PTPRT: variants seen among roughly 807,000 people sequenced by gnomAD.
PTPRT encodes receptor-type tyrosine-protein phosphatase T.
Under a neutral mutation model 176.8 loss-of-function variants are expected in PTPRT, and 56 were observed. The observed-to-expected ratio is 0.32, with a 90% CI of 0.26 to 0.40. The LOEUF (loss-of-function observed/expected upper bound fraction) is 0.40. Among genes scored for constraint, PTPRT ranks in the 10% least tolerant of loss-of-function variants. The pLI is 1.00. For synonymous variants in PTPRT, 783 were observed against 739.0 expected, an observed-to-expected ratio of 1.06 and a Z score of -0.96; for missense variants, 1,540 against 1,908.2, an observed-to-expected ratio of 0.81 and a Z score of 3.60.
intron 1 of PTPRT, among the ~76,000 whole-genome samples, chr20:43,065,680 T>C (rs572004686): frequency 6.6e-6 from 1 of 152,186 alleles, no homozygotes; most frequent in African/African-American, 2.4e-5. Flanking sequence ...TCAGGTAAGG[T>C]GGGACCTCAC....
the PTPRT span, among the ~76,000 whole-genome samples, chr20:42,050,010 A>G: frequency 1.3e-5 from 2 of 152,328 alleles, no homozygotes; most frequent in South Asian, 2.1e-4. Flanking sequence ...CCATCAGCAT[A>G]CCTAGCAGAC....
At chr20:42,589,274 T>C (rs754192182) in intron 7 of PTPRT, among the ~76,000 whole-genome samples, 15 of 152,200 alleles carry the variant, frequency 9.9e-5, no homozygotes, top group South Asian at 2.1e-4. Flanking sequence ...CTCAGACATA[T>C]GCCAAGTTAT....
At chr20:42,164,103 G>C (rs1989724557) in intron 16 of PTPRT, among the ~76,000 whole-genome samples, 1 of 152,192 alleles carries the variant, frequency 6.6e-6, no homozygotes. Flanking sequence ...ATGAAAGGAT[G>C]AGCTGAGTCA....
At chr20:42,654,844 C>T (rs1381547791) in intron 7 of PTPRT, among the ~76,000 whole-genome samples, 1 of 152,206 alleles carries the variant, frequency 6.6e-6, no homozygotes, top group Admixed American at 6.5e-5. Context: ...TTGGAATATC[C>T]TGTGGCTTCC....
At chr20:42,462,718 CTTGTT>C (rs1052066846) in intron 8 of PTPRT, among the ~76,000 whole-genome samples, 41 of 152,078 alleles carry the variant, frequency 2.7e-4, no homozygotes, top group African/African-American at 9.7e-4. Flanking sequence ...GGATAGAGCT[CTTGTT>C]TTGTTTTTTC....
At chr20:42,371,800 T>C (rs1178513295) in intron 9 of PTPRT, among the ~76,000 whole-genome samples, 2 of 152,200 alleles carry the variant, frequency 1.3e-5, no homozygotes, top group Non-Finnish European at 2.9e-5. Context: ...AGTCCTTTCA[T>C]CAAGGGGGCA....
chr20:42,058,653 C>A, the PTPRT span, among the ~76,000 whole-genome samples: 6 of 152,154 alleles, frequency 3.9e-5, no homozygotes, highest in Non-Finnish European at 7.3e-5. Flanking sequence ...AATGAAAAGA[C>A]TTAGTTCCCT....
intron 1 of PTPRT, among the ~76,000 whole-genome samples, chr20:43,075,944 C>A (rs553766992): frequency 4.6e-5 from 7 of 152,202 alleles, no homozygotes; most frequent in African/African-American, 1.7e-4. Context: ...TTTTTGCTTG[C>A]CAAAACTCCA....
intron 7 of PTPRT, among the ~76,000 whole-genome samples, chr20:42,664,039 G>A (rs2075271277): frequency 6.6e-6 from 1 of 152,154 alleles, no homozygotes; most frequent in Non-Finnish European, 1.5e-5. Context: ...AGAAATGCCT[G>A]TAAGAACCTG....
chr20:42,974,324 C>T (rs1018366905), intron 1 of PTPRT, among the ~76,000 whole-genome samples: 3 of 152,158 alleles, frequency 2.0e-5, no homozygotes, highest in Non-Finnish European at 4.4e-5. Flanking sequence ...GCCACATCAC[C>T]CCCAAATTTT....
chr20:42,139,416 T>A (rs370524321), intron 18 of PTPRT, among the ~76,000 whole-genome samples: 1 of 152,078 alleles, frequency 6.6e-6, no homozygotes, highest in Non-Finnish European at 1.5e-5. Flanking sequence ...GGAATACCAG[T>A]AGGAAAGGGG....
intron 21 of PTPRT, chr20:42,116,122 A>G (rs1476317232): frequency 5.6e-6 from 4 of 717,138 alleles, no homozygotes; most frequent in African/African-American, 3.5e-5. Flanking sequence ...GGTAAAAAAC[A>G]AGAAACAAAA....
chr20:43,159,507 G>A (rs1220859870), intron 1 of PTPRT, among the ~76,000 whole-genome samples: 1 of 152,138 alleles, frequency 6.6e-6, no homozygotes, highest in African/African-American at 2.4e-5. Flanking sequence ...AGAAAATAAT[G>A]TTTGTCAAAG....
At chr20:42,303,920 T>A (rs1224987346) in intron 12 of PTPRT, among the ~76,000 whole-genome samples, 1 of 152,184 alleles carries the variant, frequency 6.6e-6, no homozygotes. Flanking sequence ...TTGAAGGAGA[T>A]GAATGAATCA....
At chr20:42,034,638 C>G in the PTPRT span, among the ~76,000 whole-genome samples, 1 of 152,122 alleles carries the variant, frequency 6.6e-6, no homozygotes, top group Admixed American at 6.5e-5. Flanking sequence ...TTAGCACCTT[C>G]CTGGGGGTTA....
intron 2 of PTPRT, among the ~76,000 whole-genome samples, chr20:42,800,283 T>C (rs532776013): frequency 6.6e-6 from 1 of 152,170 alleles, no homozygotes; most frequent in Non-Finnish European, 1.5e-5. Flanking sequence ...GCACACCACA[T>C]GTGGGCACGT....
In PTPRT at chr20:42,620,449, A is replaced by T. The variant is rs1390404439; in HGVS notation, c.1153+57417T>A. 6.0e-4 allele frequency among the ~76,000 whole-genome samples: 89 copies of T among 149,492 alleles called. 3 individuals carry two copies. In the South Asian group the frequency reaches 0.016, roughly 27 times the overall value. On this transcript the variant is annotated intron_variant, in intron 7 of 30. Coordinates refer to ENST00000373187, the MANE Select transcript of PTPRT (RefSeq NM_007050.6). ...GCCTACAGAGGCAGGCAGGCCTCCT[A>T]GAGCTGTGGTGGGCTCCACCCAGTT...
chr20:42,521,006 A>G (rs566366754), intron 7 of PTPRT, among the ~76,000 whole-genome samples: 3 of 151,636 alleles, frequency 2.0e-5, no homozygotes, highest in South Asian at 2.1e-4. Flanking sequence ...CTATCTATCT[A>G]TCATCTACCT....
chr20:42,394,995 T>A (rs2058835171), intron 9 of PTPRT, among the ~76,000 whole-genome samples: 1 of 152,210 alleles, frequency 6.6e-6, no homozygotes, highest in African/African-American at 2.4e-5. Flanking sequence ...CTGAAGCCCA[T>A]ATTTTCTGCC....
Sources: allele counts gnomAD v4.1 joint callset (sites outside exome capture counted in the v4.1 genomes callset), GRCh38; gene constraint gnomAD v4.1.1; transcripts MANE v1.5; gene names NCBI Gene and HGNC (gene_info 2026-07-23, HGNC 2026-07-21).